The following GLCE variants were observed in gnomAD, a reference collection of about 807,000 sequenced individuals.
GLCE encodes glucuronic acid epimerase.
A neutral mutation model predicts 47.9 loss-of-function variants in GLCE; 19 were observed. The observed-to-expected ratio is 0.40, with a 90% CI of 0.28 to 0.58. The LOEUF (loss-of-function observed/expected upper bound fraction) is 0.58, where lower values mean the gene tolerates loss of function less well. Among genes scored for constraint, GLCE ranks in the 20% least tolerant of loss-of-function variants. The pLI is 0.48. For synonymous variants in GLCE, 245 were observed against 263.4 expected (o/e 0.93, Z 0.68); for missense variants, 556 against 743.3 (o/e 0.75, Z 2.93).
At chr15:69,194,170 TGCCCACTGG>T (rs2051953478) in intron 1 of GLCE, among the ~76,000 whole-genome samples, 2 of 152,180 alleles carry the variant, frequency 1.3e-5, no homozygotes, top group African/African-American at 4.8e-5. Context: ...TGTGGGCTGT[TGCCCACTGG>T]GCATGCAGCT....
intron 2 of GLCE, among the ~76,000 whole-genome samples, chr15:69,215,835 A>G (rs147851233): frequency 1.3e-5 from 2 of 152,164 alleles, no homozygotes; most frequent in Non-Finnish European, 2.9e-5. Context: ...AATGACTCAT[A>G]ATGTTGAGCA....
At chr15:69,225,752 T>G (rs2052437551) in intron 2 of GLCE, among the ~76,000 whole-genome samples, 1 of 152,210 alleles carries the variant, frequency 6.6e-6, no homozygotes, top group African/African-American at 2.4e-5. Context: ...CTAAACAATT[T>G]ATGTACATTA....
At position 69,268,498 on chromosome 15, in the gene GLCE, G is replaced by A. The variant is rs1435626381; in HGVS notation, c.1108G>A (p.Val370Ile). 1 of 1,614,174 alleles carries A rather than the reference G, an allele frequency of 6.2e-7. No homozygotes were observed. Among genetic ancestry groups the A allele is most frequent in the East Asian group, 2.2e-5 (1 of 44,886 alleles). The change falls in exon 5 of 5, where the codon GTC becomes ATC. Residue 370 changes from valine (V) to isoleucine (I), a missense_variant. Coordinates refer to ENST00000261858, the MANE Select transcript of GLCE (RefSeq NM_015554.3). ...KGVGLSNTKA[V>I]KPTKIMPKKV... Reference sequence around the variant, plus strand: ...AGTGGGTCTTTCAAACACAAAAGCTGTCAAGCCAACCAAAATAATGCCCAA... The same window carrying A: ...AGTGGGTCTTTCAAACACAAAAGCTATCAAGCCAACCAAAATAATGCCCAA...
chr15:69,261,508 A>T lies in GLCE; in HGVS notation c.829+179A>T, dbSNP rs374754544. 1.1e-4 allele frequency among the ~76,000 whole-genome samples: 16 copies of T among 152,298 alleles called. No individual in the cohort carries two copies. The East Asian group carries it at 3.1e-3, about 29-fold the overall frequency. ...CTAAAAAAGATACAGCTAAAAAGTC[A>T]AGGTTATAAAAAGGAATATTTACTA... On this transcript the variant is annotated intron_variant, in intron 4 of 4. Coordinates refer to ENST00000261858, the MANE Select transcript of GLCE (RefSeq NM_015554.3).
intron 2 of GLCE, among the ~76,000 whole-genome samples, chr15:69,244,614 C>A (rs188552946): frequency 6.6e-6 from 1 of 152,100 alleles, no homozygotes; most frequent in Non-Finnish European, 1.5e-5. Context: ...CCTTTGGAGT[C>A]AGACTGAAAA....
intron 1 of GLCE, chr15:69,196,927 G>C (rs1280002056): frequency 1.0e-5 from 2 of 199,350 alleles, no homozygotes; most frequent in Non-Finnish European, 2.1e-5. Flanking sequence ...TTGGTGGTTG[G>C]ACTGAGAAGA....
chr15:69,186,619 CAGA>C (rs1413598042), intron 1 of GLCE, among the ~76,000 whole-genome samples: 1 of 152,120 alleles, frequency 6.6e-6, no homozygotes, highest in Non-Finnish European at 1.5e-5. Context: ...TAAGGTGTAT[CAGA>C]AGAAGATAAG....
chr15:69,243,058 A>C (rs1041620305), intron 2 of GLCE, among the ~76,000 whole-genome samples: 2 of 121,394 alleles, frequency 1.6e-5, no homozygotes, highest in Non-Finnish European at 3.3e-5. Flanking sequence ...GATCCTGTCC[A>C]AAAAAAAAAA....
intron 1 of GLCE, among the ~76,000 whole-genome samples, chr15:69,189,676 T>G (rs2051884589): frequency 6.6e-6 from 1 of 152,168 alleles, no homozygotes; most frequent in Admixed American, 6.6e-5. Context: ...TTCGTTGACT[T>G]TTTTCTATTT....
At chr15:69,265,660 G>C (rs953969509) in intron 4 of GLCE, among the ~76,000 whole-genome samples, 3 of 152,148 alleles carry the variant, frequency 2.0e-5, no homozygotes, top group Non-Finnish European at 2.9e-5. Flanking sequence ...GTCATATGAA[G>C]ATATAAGGTG....
chr15:69,253,685 T>G (rs953390181), intron 2 of GLCE, among the ~76,000 whole-genome samples: 2 of 152,152 alleles, frequency 1.3e-5, no homozygotes, highest in Non-Finnish European at 2.9e-5. Context: ...GACACAAGTT[T>G]TTAGATTGAA....
At chr15:69,233,845 TAAGG>T (rs988425022) in intron 2 of GLCE, among the ~76,000 whole-genome samples, 4 of 152,182 alleles carry the variant, frequency 2.6e-5, no homozygotes, top group Non-Finnish European at 2.9e-5. Context: ...AATTCTGTCT[TAAGG>T]AAGCAATTTT....
At chr15:69,228,450 A>G (rs1454734788) in intron 2 of GLCE, among the ~76,000 whole-genome samples, 1 of 152,244 alleles carries the variant, frequency 6.6e-6, no homozygotes, top group East Asian at 1.9e-4. Context: ...TTTAATCATT[A>G]GGGTAACCAT....
At chr15:69,251,371 G>A (rs2052842263) in intron 2 of GLCE, among the ~76,000 whole-genome samples, 2 of 152,158 alleles carry the variant, frequency 1.3e-5, no homozygotes, top group African/African-American at 4.8e-5. Flanking sequence ...TCACTGTCAA[G>A]TTTAATCTTT....
At chr15:69,163,625 A>G (rs1269868407) in intron 1 of GLCE, among the ~76,000 whole-genome samples, 1 of 152,228 alleles carries the variant, frequency 6.6e-6, no homozygotes, top group Non-Finnish European at 1.5e-5. Context: ...AGCATACAAA[A>G]GCCTATAAGG....
chr15:69,193,545 TTCAGATTTTGC>T (rs1014446876), intron 1 of GLCE, among the ~76,000 whole-genome samples: 32 of 152,092 alleles, frequency 2.1e-4, no homozygotes, highest in African/African-American at 7.5e-4. Flanking sequence ...GATCTCAAAC[TTCAGATTTTGC>T]TCAGATTTTG....
chr15:69,249,024 A>C (rs554175196), intron 2 of GLCE, among the ~76,000 whole-genome samples: 1 of 152,296 alleles, frequency 6.6e-6, no homozygotes, highest in African/African-American at 2.4e-5. Flanking sequence ...AATGGTGATA[A>C]ATGCTATGAA....
chr15:69,181,433 G>T (rs1007341914), intron 1 of GLCE, among the ~76,000 whole-genome samples: 90 of 152,326 alleles, frequency 5.9e-4, no homozygotes, highest in Non-Finnish European at 3.4e-4. Flanking sequence ...ACTAGCAAAG[G>T]AAACTTAGAA....
intron 2 of GLCE, among the ~76,000 whole-genome samples, chr15:69,232,342 C>G (rs1335883870): frequency 6.6e-6 from 1 of 152,080 alleles, no homozygotes; most frequent in Non-Finnish European, 1.5e-5. Context: ...GTGATACTTT[C>G]AAGCAATGGC....
Sources: gnomAD v4.1 joint callset for allele counts (sites outside exome capture counted in the v4.1 genomes callset) on GRCh38, gnomAD v4.1.1 for gene constraint, MANE v1.5 for transcripts, NCBI Gene and HGNC (gene_info 2026-07-23, HGNC 2026-07-21) for gene names.